The following GFRA1 variants were observed in gnomAD, a reference collection of about 807,000 sequenced individuals.
The protein encoded by GFRA1 is GDNF family receptor alpha 1.
A neutral mutation model predicts 51.6 loss-of-function variants in GFRA1; 16 were observed. The ratio of observed to expected loss-of-function variants is 0.31; its 90% CI spans 0.21 to 0.47. GFRA1 has a LOEUF of 0.47. Ranked by LOEUF, GFRA1 falls within the 20% of genes least tolerant of loss-of-function variation. GFRA1 has a pLI of 1.00. For synonymous variants in GFRA1, 270 were observed against 241.3 expected, an observed-to-expected ratio of 1.12 and a Z score of -1.10; for missense variants, 530 against 594.3, an observed-to-expected ratio of 0.89 and a Z score of 1.13.
chr10:116,271,522 G>C (rs1025684210), intron 2 of GFRA1, among the ~76,000 whole-genome samples: 1 of 152,096 alleles, frequency 6.6e-6, no homozygotes, highest in African/African-American at 2.4e-5. Context: ...GTGCGGCGGC[G>C]GACTGGGCAC....
intron 5 of GFRA1, among the ~76,000 whole-genome samples, chr10:116,207,177 A>C (rs1466000692): frequency 4.6e-5 from 5 of 108,378 alleles, no homozygotes; most frequent in Non-Finnish European, 5.6e-5. Flanking sequence ...CATTTTACAG[A>C]TGAGGAAACT....
chr10:116,146,610 C>T lies in GFRA1; in HGVS notation c.434-21053G>A, dbSNP rs189754371. Among the ~76,000 whole-genome samples the T allele has an allele frequency of 1.4e-3, 207 of 152,296 alleles. 2 individuals carry two copies. The highest frequency in any genetic ancestry group is 0.01 in the Admixed American group (153 of 15,296). On this transcript the variant is annotated intron_variant, in intron 5 of 10. Transcript: ENST00000355422. Reference sequence around the variant, plus strand: ...TGGGAGTATTCCTGGAAGCCATCCACCACTCCACAGGGACATCTAGCAATA... The same window carrying T: ...TGGGAGTATTCCTGGAAGCCATCCATCACTCCACAGGGACATCTAGCAATA...
At chr10:116,128,270 T>C (rs1957955648) in intron 5 of GFRA1, among the ~76,000 whole-genome samples, 1 of 152,352 alleles carries the variant, frequency 6.6e-6, no homozygotes, top group South Asian at 2.1e-4. Flanking sequence ...ATGTGTGTTG[T>C]TTTCATAGTT....
intron 5 of GFRA1, among the ~76,000 whole-genome samples, chr10:116,167,551 T>G (rs1247174627): frequency 6.6e-6 from 1 of 150,808 alleles, no homozygotes; most frequent in Non-Finnish European, 1.5e-5. Context: ...GAGTTCATTT[T>G]CAAAATTAAT....
chr10:116,123,591 T>C (rs1161372850), intron 6 of GFRA1, among the ~76,000 whole-genome samples: 1 of 152,212 alleles, frequency 6.6e-6, no homozygotes, highest in Admixed American at 6.5e-5. Context: ...ACAGACATTA[T>C]TTTTTCTGCT....
intron 5 of GFRA1, among the ~76,000 whole-genome samples, chr10:116,166,363 G>T (rs1225117549): frequency 6.6e-6 from 1 of 152,140 alleles, no homozygotes; most frequent in Non-Finnish European, 1.5e-5. Context: ...AGTTCTTTGA[G>T]GAGTCACCGC....
At chr10:116,068,232 T>C (rs1406269347) in intron 9 of GFRA1, among the ~76,000 whole-genome samples, 1 of 152,204 alleles carries the variant, frequency 6.6e-6, no homozygotes, top group African/African-American at 2.4e-5. Context: ...CTAAAGACAC[T>C]GCTTACATTG....
intron 6 of GFRA1, among the ~76,000 whole-genome samples, chr10:116,108,816 TA>T (rs1957094016): frequency 6.6e-6 from 1 of 152,238 alleles, no homozygotes; most frequent in Non-Finnish European, 1.5e-5. Context: ...TGGTCTTGCC[TA>T]CACCAGGCAG....
intron 4 of GFRA1, among the ~76,000 whole-genome samples, chr10:116,230,775 C>T (rs529126601): frequency 6.6e-6 from 1 of 151,950 alleles, no homozygotes; most frequent in Non-Finnish European, 1.5e-5. Context: ...ACAATAAGTG[C>T]TTTATCAAAG....
chr10:116,240,156 G>A (rs1008041948), intron 4 of GFRA1, among the ~76,000 whole-genome samples: 4 of 151,876 alleles, frequency 2.6e-5, no homozygotes, highest in African/African-American at 9.7e-5. Flanking sequence ...TGAGCTTTAG[G>A]TAGCAGCTGG....
intron 5 of GFRA1, among the ~76,000 whole-genome samples, chr10:116,149,585 T>A (rs933587724): frequency 2.0e-5 from 3 of 152,124 alleles, no homozygotes; most frequent in Admixed American, 1.3e-4. Flanking sequence ...ACATCATTAC[T>A]GATGAACAAT....
intron 6 of GFRA1, among the ~76,000 whole-genome samples, chr10:116,111,872 C>T (rs1444153818): frequency 1.3e-5 from 2 of 152,190 alleles, no homozygotes; most frequent in Non-Finnish European, 2.9e-5. Flanking sequence ...AGTCCCTGAG[C>T]CCACCCTTCC....
intron 5 of GFRA1, among the ~76,000 whole-genome samples, chr10:116,141,730 C>T (rs932005076): frequency 6.6e-6 from 1 of 152,112 alleles, no homozygotes; most frequent in African/African-American, 2.4e-5. Flanking sequence ...ATTACGGGCA[C>T]CTGCCACCAT....
Position 116,195,392 on chromosome 10 carries a change from T to C in GFRA1, c.433+16239A>G, listed in dbSNP as rs544556185. On this transcript the variant is annotated intron_variant, in intron 5 of 10. Coordinates refer to ENST00000355422, the MANE Select transcript of GFRA1 (RefSeq NM_005264.8). ...TCACCAACCTTTTTGGCACCAGAGA[T>C]AGGTTTCGTGGAAGACAACTTTTCC... Among the ~76,000 whole-genome samples the C allele has an allele frequency of 4.6e-5, 7 of 152,332 alleles. No homozygotes were observed. In the South Asian group the frequency reaches 1.0e-3, roughly 23 times the overall value.
intron 5 of GFRA1, among the ~76,000 whole-genome samples, chr10:116,162,343 C>A (rs917107237): frequency 2.0e-5 from 3 of 152,198 alleles, no homozygotes; most frequent in Non-Finnish European, 4.4e-5. Context: ...GTCTCAGAGT[C>A]CAGGGGATGT....
At chr10:116,072,858 G>T (rs1955463390) in intron 9 of GFRA1, among the ~76,000 whole-genome samples, 1 of 152,094 alleles carries the variant, frequency 6.6e-6, no homozygotes, top group South Asian at 2.1e-4. Context: ...AGTCATTCCT[G>T]CCCTACTGTC....
At chr10:116,113,987 T>C (rs1020306780) in intron 6 of GFRA1, among the ~76,000 whole-genome samples, 1 of 152,188 alleles carries the variant, frequency 6.6e-6, no homozygotes, top group Admixed American at 6.5e-5. Context: ...CTAAGCTCCC[T>C]GAGTCCTATA....
chr10:116,060,617 T>C lies in GFRA1; in HGVS notation c.*3781A>G, dbSNP rs1182344752. 1 of 152,134 alleles carries C rather than the reference T, an allele frequency of 6.6e-6. No homozygotes were observed. The highest frequency in any genetic ancestry group is 1.5e-5 in the Non-Finnish European group (1 of 68,040). 9.4% of individuals were successfully genotyped at this position (152,134 alleles called of 1,614,324 possible). A position where few individuals can be genotyped will look rare whatever the true frequency, so the allele number is the denominator to read the frequency against. On this transcript the variant is annotated 3_prime_UTR_variant, in exon 11 of 11. Transcript: ENST00000355422. ...TTCTCTCCTGCCTGTTGTCATTGCTTTTAGGTCGTTCTTGAAAAGATGGGT... is the reference window on the plus strand; with the variant it reads ...TTCTCTCCTGCCTGTTGTCATTGCTCTTAGGTCGTTCTTGAAAAGATGGGT...
chr10:116,183,206 C>A (rs990523896), intron 5 of GFRA1, among the ~76,000 whole-genome samples: 2 of 152,174 alleles, frequency 1.3e-5, no homozygotes, highest in Non-Finnish European at 2.9e-5. Flanking sequence ...TTGTTTTACC[C>A]GCTGGGCCTG....
Sources: gnomAD v4.1 joint callset for allele counts (sites outside exome capture counted in the v4.1 genomes callset) on GRCh38, gnomAD v4.1.1 for gene constraint, MANE v1.5 for transcripts, NCBI Gene and HGNC (gene_info 2026-07-23, HGNC 2026-07-21) for gene names.